HDAC4: variants seen among roughly 807,000 people sequenced by gnomAD.
HDAC4 encodes the protein histone deacetylase 4, also known as histone deacetylase A.
A neutral mutation model predicts 135.1 loss-of-function variants in HDAC4; 16 were observed. The observed-to-expected ratio is 0.12, with a 90% CI of 0.08 to 0.18. HDAC4 has a LOEUF of 0.18. HDAC4 is among the 10% of genes least tolerant of loss of function. The pLI is 1.00. For missense variants in HDAC4, 1,143 were observed against 1,511.8 expected (o/e 0.76, Z 4.05); for synonymous variants, 685 against 653.4 (o/e 1.05, Z -0.74).
chr2:239,159,088 TCACACA>T (rs751499287), intron 6 of HDAC4, among the ~76,000 whole-genome samples: 2 of 143,016 alleles, frequency 1.4e-5, no homozygotes, highest in South Asian at 4.5e-4. Context: ...CCTCCACACC[TCACACA>T]CACACACCCG....
intron 2 of HDAC4, among the ~76,000 whole-genome samples, chr2:239,291,080 G>A (rs2051462859): frequency 6.6e-6 from 1 of 152,264 alleles, no homozygotes; most frequent in African/African-American, 2.4e-5. Flanking sequence ...GGACAGGGAG[G>A]ACGGCAGGTT....
At chr2:239,162,080 C>T (rs554597981) in intron 6 of HDAC4, 1 of 454,890 alleles carries the variant, frequency 2.2e-6, no homozygotes, top group South Asian at 1.5e-5. Flanking sequence ...GCCGTGGCCA[C>T]CCTCTGGGGG....
intron 1 of HDAC4, among the ~76,000 whole-genome samples, chr2:239,354,298 G>A (rs1206429117): frequency 6.6e-6 from 1 of 152,142 alleles, no homozygotes; most frequent in African/African-American, 2.4e-5. Flanking sequence ...CCCCACTTCA[G>A]GAGCTTCGGA....
At chr2:239,249,454 G>A (rs2048657307) in intron 2 of HDAC4, among the ~76,000 whole-genome samples, 1 of 152,144 alleles carries the variant, frequency 6.6e-6, no homozygotes, top group South Asian at 2.1e-4. Flanking sequence ...ACTTGAGTGG[G>A]GAGAAGCAAG....
chr2:239,101,348 C>T (rs1446504984), intron 16 of HDAC4, among the ~76,000 whole-genome samples: 1 of 152,198 alleles, frequency 6.6e-6, no homozygotes, highest in Non-Finnish European at 1.5e-5. Flanking sequence ...ACAGAAGGTG[C>T]CCTCGGCGAG....
chr2:239,296,914 T>G (rs1272107953), intron 2 of HDAC4, among the ~76,000 whole-genome samples: 4 of 151,474 alleles, frequency 2.6e-5, no homozygotes, highest in Non-Finnish European at 5.9e-5. Flanking sequence ...TCCCTCAACA[T>G]TCAATATTTG....
In HDAC4 at chr2:239,275,249, G is replaced by A. The variant is rs951686202; in HGVS notation, c.23-38585C>T. 2.6e-5 allele frequency among the ~76,000 whole-genome samples: 4 copies of A among 152,370 alleles called. No individual in the cohort carries two copies. The East Asian group carries it at 7.7e-4, about 29-fold the overall frequency. Reference sequence around the variant, plus strand: ...GGCTGGCCTCCTGAGGCTGTCCCTGGCAAGCCGCCCCACGCTGGAGCCAGG... The same window carrying A: ...GGCTGGCCTCCTGAGGCTGTCCCTGACAAGCCGCCCCACGCTGGAGCCAGG... On this transcript the variant is annotated intron_variant, in intron 2 of 26. Transcript: ENST00000543185.
At chr2:239,378,388 G>T (rs143194685) in intron 1 of HDAC4, among the ~76,000 whole-genome samples, 3 of 152,288 alleles carry the variant, frequency 2.0e-5, no homozygotes, top group African/African-American at 4.8e-5. Flanking sequence ...TGGCCCCGGG[G>T]AACGAAGAGC....
At chr2:239,302,783 C>T (rs2052345600) in intron 2 of HDAC4, among the ~76,000 whole-genome samples, 1 of 152,242 alleles carries the variant, frequency 6.6e-6, no homozygotes, top group South Asian at 2.1e-4. Flanking sequence ...CTGCTCAAGG[C>T]AGTCATCTAA....
intron 2 of HDAC4, among the ~76,000 whole-genome samples, chr2:239,271,553 CG>C (rs1429640453): frequency 1.3e-5 from 2 of 152,200 alleles, no homozygotes; most frequent in Non-Finnish European, 2.9e-5. Context: ...CTATGAGAGC[CG>C]ATTCTGCCGG....
chr2:239,192,292 C>A lies in HDAC4; in HGVS notation c.95-2215G>T, dbSNP rs1358887168. ...TGTGCAGGAGCAGAAAGCAGGGGTC[C>A]ACCCACTCCCCCACCCCATATGTGG... On this transcript the variant is annotated intron_variant, in intron 3 of 26. Transcript: ENST00000543185. Among the ~76,000 whole-genome samples the A allele has an allele frequency of 4.7e-5, 7 of 150,470 alleles. No homozygotes were observed. The South Asian group carries it at 1.5e-3, about 32-fold the overall frequency.
intron 3 of HDAC4, among the ~76,000 whole-genome samples, chr2:239,230,566 C>T (rs936239687): frequency 3.9e-5 from 6 of 152,094 alleles, no homozygotes; most frequent in South Asian, 4.1e-4. Flanking sequence ...GAGGCCGCCA[C>T]GGCCTCTCTT....
intron 1 of HDAC4, among the ~76,000 whole-genome samples, chr2:239,363,421 G>C (rs929501150): frequency 6.6e-6 from 1 of 152,220 alleles, no homozygotes; most frequent in African/African-American, 2.4e-5. Context: ...AAACCAAGGA[G>C]AATATGCTAG....
intron 4 of HDAC4, among the ~76,000 whole-genome samples, chr2:239,183,391 C>A (rs367949763): frequency 2.0e-4 from 31 of 152,348 alleles, no homozygotes; most frequent in African/African-American, 7.0e-4. Context: ...ATGCCGCGCC[C>A]GCATAAAGCG....
In HDAC4 at chr2:239,052,608, T is replaced by TA. The variant is rs369466754; in HGVS notation, c.*488dup. ...CCACAGCCGTAGAAAACGTCCTCTT[T>TA]AAAAAAAAATAAGCTACAAGATGAG... is the stretch of plus-strand genomic sequence containing the variant. On this transcript the variant is annotated 3_prime_UTR_variant, in exon 27 of 27. Coordinates refer to ENST00000543185, the MANE Select transcript of HDAC4 (RefSeq NM_001378414.1). 401 of 168,658 alleles carry TA rather than the reference T, an allele frequency of 2.4e-3. 1 individual carries two copies. Among genetic ancestry groups the TA allele is most frequent in the Non-Finnish European group, 3.2e-3 (247 of 76,724 alleles). The allele number at this position is 168,658 out of a possible 1,614,324, so 10.4% of individuals were successfully genotyped here.
intron 6 of HDAC4, among the ~76,000 whole-genome samples, chr2:239,160,196 T>G (rs1156919853): frequency 6.6e-6 from 1 of 152,230 alleles, no homozygotes; most frequent in Non-Finnish European, 1.5e-5. Context: ...GGAATTAATT[T>G]TAGTATTCGA....
intron 1 of HDAC4, among the ~76,000 whole-genome samples, chr2:239,397,715 T>A (rs1251349628): frequency 1.3e-5 from 2 of 152,208 alleles, no homozygotes; most frequent in East Asian, 1.9e-4. Context: ...AGAAGAAAAC[T>A]GACCGTATGA....
chr2:239,059,684 C>T (rs952123139), intron 24 of HDAC4, among the ~76,000 whole-genome samples: 12 of 152,350 alleles, frequency 7.9e-5, no homozygotes, highest in East Asian at 1.9e-4. Context: ...AGTAAACCTG[C>T]GGCCTAGGAG....
chr2:239,104,660 G>T (rs1291998435), intron 15 of HDAC4, among the ~76,000 whole-genome samples: 1 of 152,246 alleles, frequency 6.6e-6, no homozygotes, highest in Non-Finnish European at 1.5e-5. Flanking sequence ...CCCCGTAGGG[G>T]ACCACAGGCT....
Sources: gnomAD v4.1 joint callset for allele counts (sites outside exome capture counted in the v4.1 genomes callset) on GRCh38, gnomAD v4.1.1 for gene constraint, MANE v1.5 for transcripts, NCBI Gene and HGNC (gene_info 2026-07-23, HGNC 2026-07-21) for gene names.